Variants in POMGNT1 observed in about 807,000 individuals in gnomAD.
POMGNT1 encodes the protein protein O-linked-mannose beta-1,2-N-acetylglucosaminyltransferase 1.
POMGNT1 carries 67 observed loss-of-function variants against 95.6 expected under a neutral mutation model. That is an observed-to-expected ratio of 0.70 (90% CI 0.58 to 0.86). The LOEUF (loss-of-function observed/expected upper bound fraction) is 0.86. Among genes scored for constraint, POMGNT1 ranks in the 40% least tolerant of loss-of-function variants. The pLI is 0.00. For missense variants in POMGNT1, 719 were observed against 855.2 expected, an observed-to-expected ratio of 0.84 and a Z score of 1.99; for synonymous variants, 298 against 317.9, an observed-to-expected ratio of 0.94 and a Z score of 0.66.
Position 46,188,689 on chromosome 1 carries a change from G to C in POMGNT1, c.*581C>G, listed in dbSNP as rs1463885556. On this transcript the variant is annotated 3_prime_UTR_variant, in exon 22 of 22. Transcript: ENST00000371984. ...ATCACAATCACAAGACATCCCCAGAGGGCTTCTCCTTTTTTAATCAATGAC... is the reference window on the plus strand; with the variant it reads ...ATCACAATCACAAGACATCCCCAGACGGCTTCTCCTTTTTTAATCAATGAC... 3 of 1,594,218 alleles carry C rather than the reference G, an allele frequency of 1.9e-6. No individual in the cohort carries two copies. The highest frequency in any genetic ancestry group is 2.6e-6 in the Non-Finnish European group (3 of 1,167,810).
rs768983994 is a variant in POMGNT1 at position 46,192,344 on chromosome 1, C to T, written c.1377G>A (p.Lys459=). ...LGWVLRRSLY[K]EELEPKWPTP... ...TAGGCCACTTGGGCTCAAGCTCCTCCTTGTACAAGGACCTCCTGAGCACCC... is the reference window on the plus strand; with the variant it reads ...TAGGCCACTTGGGCTCAAGCTCCTCTTTGTACAAGGACCTCCTGAGCACCC... Residue 459 remains lysine, a synonymous_variant, in exon 16 of 22, where the codon AAG becomes AAA. Coordinates refer to ENST00000371984, the MANE Select transcript of POMGNT1 (RefSeq NM_017739.4). 20 of 1,614,072 alleles carry T rather than the reference C, an allele frequency of 1.2e-5. No individual in the cohort carries two copies. The highest frequency in any genetic ancestry group is 1.7e-5 in the Non-Finnish European group (20 of 1,180,034).
chr1:46,197,768 C>T lies in POMGNT1; in HGVS notation c.54G>A (p.Lys18=), dbSNP rs1364921620. ...PLIKPFGARK[K]RSWYLTWKYK... ...ACTTCCAGGTAAGGTACCAGCTCCGCTTCTTCCGAGCCCCAAAGGGCTTGA... is the reference window on the plus strand; with the variant it reads ...ACTTCCAGGTAAGGTACCAGCTCCGTTTCTTCCGAGCCCCAAAGGGCTTGA... The change falls in exon 2 of 22, where the codon AAG becomes AAA. Residue 18 remains lysine (K), a synonymous_variant. Transcript: ENST00000371984. 2 of 1,614,184 alleles carry T rather than the reference C, an allele frequency of 1.2e-6. No individual in the cohort carries two copies. Among genetic ancestry groups the T allele is most frequent in the Admixed American group, 1.7e-5 (1 of 60,014 alleles).
upstream of POMGNT1, among the ~76,000 whole-genome samples, chr1:46,200,484 C>G (rs1658505241): frequency 6.6e-6 from 1 of 152,226 alleles, no homozygotes; most frequent in Non-Finnish European, 1.5e-5. Context: ...GGGAGTCACC[C>G]TTGACTCCTT....
chr1:46,219,984 C>G (rs377174586), exon 1 of POMGNT1: 39 of 1,614,246 alleles, frequency 2.4e-5, no homozygotes, highest in Non-Finnish European at 3.2e-5. Flanking sequence ...ACAGGGCCCA[C>G]CTGGGGCTCC....
At chr1:46,211,424 A>T (rs1658890540) in intron 1 of POMGNT1, among the ~76,000 whole-genome samples, 1 of 144,956 alleles carries the variant, frequency 6.9e-6, no homozygotes, top group African/African-American at 2.6e-5. Flanking sequence ...TGAGCCAAAA[A>T]CTGGATGAAA....
At position 46,190,405 on chromosome 1, in the gene POMGNT1, T is replaced by C. The variant is rs377221650; in HGVS notation, c.1649+68A>G. On this transcript the variant is annotated intron_variant, in intron 19 of 21. Coordinates refer to ENST00000371984, the MANE Select transcript of POMGNT1 (RefSeq NM_017739.4). ...TCATTTTGCACAGGACCCTGTAAAT[T>C]ATGGGGCCAAGATCCCCAGTATTTG... is the stretch of plus-strand genomic sequence containing the variant. 4.4e-4 allele frequency: 670 copies of C among 1,512,726 alleles called. 5 individuals carry two copies. The highest frequency in any genetic ancestry group is 3.3e-3 in the South Asian group (291 of 88,806). The allele number at this position is 1,512,726 out of a possible 1,614,324, so 93.7% of individuals were successfully genotyped here.
chr1:46,214,685 G>A (rs985232456), intron 1 of POMGNT1, among the ~76,000 whole-genome samples: 2 of 151,908 alleles, frequency 1.3e-5, no homozygotes, highest in African/African-American at 4.8e-5. Context: ...GACCAACATG[G>A]TGAAACCCCA....
chr1:46,213,938 G>A (rs1396250256), intron 1 of POMGNT1, among the ~76,000 whole-genome samples: 1 of 152,110 alleles, frequency 6.6e-6, no homozygotes, highest in Non-Finnish European at 1.5e-5. Context: ...CTCAGAGTTG[G>A]CAAGCTTCAT....
At chr1:46,210,611 G>A (rs1658862779) in intron 1 of POMGNT1, among the ~76,000 whole-genome samples, 1 of 152,072 alleles carries the variant, frequency 6.6e-6, no homozygotes, top group African/African-American at 2.4e-5. Flanking sequence ...AGAACTCAGG[G>A]AAACACATTT....
In POMGNT1 at chr1:46,194,398, G is replaced by GC; in HGVS notation, c.754dup (p.Ala252GlyfsTer22). ...CTCTGTGTCTGCCCAGTGGCACTCTGCCTCTGAGGGAAGGATGCGGTTGTC... is the reference window on the plus strand; with the variant it reads ...CTCTGTGTCTGCCCAGTGGCACTCTGCCCTCTGAGGGAAGGATGCGGTTGTC... On this transcript the variant is annotated frameshift_variant, in exon 9 of 22. Transcript: ENST00000371984. LOFTEE classifies it high-confidence loss of function. 6.2e-7 allele frequency: 1 copy of GC among 1,614,214 alleles called. No homozygotes were observed. Among genetic ancestry groups the GC allele is most frequent in the Non-Finnish European group, 8.5e-7 (1 of 1,180,030 alleles).
At chr1:46,203,482 T>A in intron 1 of POMGNT1, 1 of 1,524,976 alleles carries the variant, frequency 6.6e-7, no homozygotes, top group Non-Finnish European at 8.8e-7. Context: ...GAGGGTAAGG[T>A]GGGCAGGAAG....
upstream of POMGNT1, among the ~76,000 whole-genome samples, chr1:46,200,315 G>T (rs1658500117): frequency 6.6e-6 from 1 of 152,172 alleles, no homozygotes; most frequent in Non-Finnish European, 1.5e-5. Context: ...GACATTGGCA[G>T]TTCTAACCTC....
intron 1 of POMGNT1, among the ~76,000 whole-genome samples, chr1:46,207,578 G>A (rs192177567): frequency 0.015 from 2,170 of 147,830 alleles, 31 homozygotes; most frequent in Non-Finnish European, 0.025. Context: ...TCGCTCTGTC[G>A]CCCAGGCTGG....
At position 46,189,064 on chromosome 1, in the gene POMGNT1, A is replaced by G; in HGVS notation, c.*206T>C. 6.6e-7 allele frequency: 1 copy of G among 1,524,308 alleles called. No homozygotes were observed. Among genetic ancestry groups the G allele is most frequent in the Non-Finnish European group, 8.8e-7 (1 of 1,141,516 alleles). 94.4% of individuals were successfully genotyped at this position (1,524,308 alleles called of 1,614,324 possible). A position where few individuals can be genotyped will look rare whatever the true frequency, so the allele number is the denominator to read the frequency against. On this transcript the variant is annotated 3_prime_UTR_variant, in exon 22 of 22. Transcript: ENST00000371984. ...AGGTACTCTCCTGCCCTTCTCCAAC[A>G]AGGAAGTAAATAAATAGACTTTTAA...
chr1:46,206,859 G>A (rs960043751), intron 1 of POMGNT1, among the ~76,000 whole-genome samples: 1 of 152,166 alleles, frequency 6.6e-6, no homozygotes, highest in Non-Finnish European at 1.5e-5. Context: ...CTGCTCTCAG[G>A]GAGCTCACAG....
intron 11 of POMGNT1, 66 bp downstream of exon 11, chr1:46,193,498 C>A: frequency 6.2e-7 from 1 of 1,613,362 alleles, no homozygotes; most frequent in South Asian, 1.1e-5. Flanking sequence ...CTCCCTTGCC[C>A]GTCCCTGGCA....
At chr1:46,220,275 T>C in exon 1 of POMGNT1, 1 of 1,511,400 alleles carries the variant, frequency 6.6e-7, no homozygotes. Flanking sequence ...AGATGTGGTC[T>C]CCCCCAAAAT....
At position 46,190,460 on chromosome 1, in the gene POMGNT1, T is replaced by C. The variant is rs765042168; in HGVS notation, c.1649+13A>G. On this transcript the variant is annotated intron_variant, in intron 19 of 21. Coordinates refer to ENST00000371984, the MANE Select transcript of POMGNT1 (RefSeq NM_017739.4). ...TTTGCTCCCTGCTACACCCCAATTG[T>C]CCTAGGCCATACCTGAGCAGCCTGT... The C allele has an allele frequency of 1.9e-6, 3 of 1,579,302 alleles. No homozygotes were observed. Among genetic ancestry groups the C allele is most frequent in the Non-Finnish European group, 2.6e-6 (3 of 1,148,410 alleles).
At chr1:46,194,056 G>C in intron 9 of POMGNT1, 131 bp from the exon 10 acceptor site, 1 of 1,547,486 alleles carries the variant, frequency 6.5e-7, no homozygotes, top group South Asian at 1.2e-5. Context: ...GATCTTCCCT[G>C]TTCTGGGCTC....
Sources: gnomAD v4.1 joint callset for allele counts (sites outside exome capture counted in the v4.1 genomes callset) on GRCh38, gnomAD v4.1.1 for gene constraint, MANE v1.5 for transcripts, NCBI Gene and HGNC (gene_info 2026-07-23, HGNC 2026-07-21) for gene names.